The following CTTNBP2 variants were observed in gnomAD, a reference collection of about 807,000 sequenced individuals.
The protein encoded by CTTNBP2 is cortactin-binding protein 2.
CTTNBP2 carries 108 observed loss-of-function variants against 156.9 expected under a neutral mutation model. The ratio of observed to expected loss-of-function variants is 0.69; its 90% CI spans 0.59 to 0.81. The LOEUF is 0.81. CTTNBP2 is among the 30% of genes least tolerant of loss of function. The pLI is 0.00. For synonymous variants in CTTNBP2, 767 were observed against 751.8 expected, an observed-to-expected ratio of 1.02 and a Z score of -0.33; for missense variants, 1,924 against 2,035.4, an observed-to-expected ratio of 0.95 and a Z score of 1.05.
intron 3 of CTTNBP2, among the ~76,000 whole-genome samples, chr7:117,805,875 G>A (rs1799908185): frequency 6.6e-6 from 1 of 152,108 alleles, no homozygotes; most frequent in Admixed American, 6.5e-5. Context: ...TCTAAACTGT[G>A]TACAAGGAAC....
Position 117,724,729 on chromosome 7 carries a change from A to G in CTTNBP2, c.4265T>C (p.Leu1422Pro). ...TTTGAAATCAGCTGTATGCTGGTCT[A>G]GCTCTGAAACAACACAAATCACAGC... ...LHGCPLPRAE[L>P]DQHTADFKGG... is the part of the protein sequence containing the mutation. The change falls in exon 19 of 23, where the codon CTA becomes CCA. Residue 1422 changes from leucine (L) to proline (P), a missense_variant. Coordinates refer to ENST00000160373, the MANE Select transcript of CTTNBP2 (RefSeq NM_033427.3). 1 of 1,613,798 alleles carries G rather than the reference A, an allele frequency of 6.2e-7. No individual in the cohort carries two copies. The highest frequency in any genetic ancestry group is 8.5e-7 in the Non-Finnish European group (1 of 1,179,968).
Position 117,718,114 on chromosome 7 carries a change from A to G in CTTNBP2, c.4650T>C (p.Ala1550=), listed in dbSNP as rs779413704. The G allele has an allele frequency of 2.3e-5, 37 of 1,608,274 alleles. No homozygotes were observed. The Middle Eastern group carries it at 4.9e-4, about 21-fold the overall frequency. The change falls in exon 22 of 23, where the codon GCT becomes GCC. Residue 1550 remains alanine, a synonymous_variant. Transcript: ENST00000160373. ...SKSESDISKI[A]DSRDDLRMFD... ...ACATCCTTAAATCATCCCTGGAATC[A>G]GCAATCTAGAAAATACAGAATTTGC...
intron 14 of CTTNBP2, among the ~76,000 whole-genome samples, chr7:117,743,761 C>CAAAAAAAAAAAAAAAAA (rs556372208): frequency 1.0e-4 from 2 of 19,626 alleles, no homozygotes; most frequent in Non-Finnish European, 2.0e-4. Flanking sequence ...GACTCTGTCT[C>CAAAAAAAAAAAAAAAAA]AAAAAAAAAA....
At chr7:117,743,898 A>G (rs1183822841) in intron 14 of CTTNBP2, among the ~76,000 whole-genome samples, 2 of 151,914 alleles carry the variant, frequency 1.3e-5, no homozygotes, top group Non-Finnish European at 2.9e-5. Flanking sequence ...CTAGCCCAAG[A>G]CTGGCCTGTG....
Position 117,791,589 on chromosome 7 carries a change from C to G in CTTNBP2, c.1607G>C (p.Arg536Pro), listed in dbSNP as rs772434465. The part of the protein sequence containing the change: ...RTSLKTHGVA[R>P]VDRGNPPPIP... ...AGGAGGAGGATTTCCTCTGTCAACT[C>G]GTGCTACACCATGAGTCTTTAAACT... Residue 536 changes from arginine to proline, a missense_variant, in exon 4 of 23, where the codon CGA becomes CCA. Arg to Pro is a moderately radical substitution (Grantham distance 103, BLOSUM62 -2). Transcript: ENST00000160373. 6.8e-6 allele frequency: 11 copies of G among 1,613,984 alleles called. No homozygotes were observed. Among genetic ancestry groups the G allele is most frequent in the African/African-American group, 4.0e-5 (3 of 74,890 alleles).
intron 4 of CTTNBP2, among the ~76,000 whole-genome samples, chr7:117,790,501 AG>A (rs1798931738): frequency 6.6e-6 from 1 of 151,920 alleles, no homozygotes; most frequent in Non-Finnish European, 1.5e-5. Context: ...TCTGTGCCCG[AG>A]TGTTGGAAGA....
At chr7:117,815,700 AT>A (rs1236764170) in intron 2 of CTTNBP2, among the ~76,000 whole-genome samples, 3 of 152,202 alleles carry the variant, frequency 2.0e-5, no homozygotes, top group Non-Finnish European at 4.4e-5. Context: ...GAAATGGCAG[AT>A]TTTTGAGGAA....
At position 117,760,631 on chromosome 7, in the gene CTTNBP2, T is replaced by G. The variant is rs1797157525; in HGVS notation, c.2976A>C (p.Glu992Asp). 6.2e-7 allele frequency: 1 copy of G among 1,613,982 alleles called. No homozygotes were observed. Among genetic ancestry groups the G allele is most frequent in the South Asian group, 1.1e-5 (1 of 91,084 alleles). ...GGATATTTAAAGCACATATTGTGTTTTCACATTCCAAGTCATCAGAACCAT... is the reference window on the plus strand; with the variant it reads ...GGATATTTAAAGCACATATTGTGTTGTCACATTCCAAGTCATCAGAACCAT... ...SNYGSDDLEC[E>D]NTICALNIRK... Residue 992 changes from glutamate (E) to aspartate (D), a missense_variant, in exon 10 of 23, where the codon GAA becomes GAC. Transcript: ENST00000160373.
At chr7:117,737,326 T>G (rs1435842364) in intron 14 of CTTNBP2, among the ~76,000 whole-genome samples, 1 of 152,144 alleles carries the variant, frequency 6.6e-6, no homozygotes, top group Non-Finnish European at 1.5e-5. Context: ...ACACACAGGA[T>G]TGATGGTTTA....
chr7:117,752,686 C>T (rs1280509351), intron 12 of CTTNBP2, among the ~76,000 whole-genome samples: 1 of 152,122 alleles, frequency 6.6e-6, no homozygotes, highest in Admixed American at 6.6e-5. Flanking sequence ...TACTGCAATG[C>T]TTAATCAATA....
At chr7:117,780,019 C>G (rs1201081859) in intron 7 of CTTNBP2, among the ~76,000 whole-genome samples, 1 of 152,176 alleles carries the variant, frequency 6.6e-6, no homozygotes, top group Non-Finnish European at 1.5e-5. Flanking sequence ...CTCAGCCTCC[C>G]AAAGTGCTGG....
intron 3 of CTTNBP2, among the ~76,000 whole-genome samples, chr7:117,797,028 T>C (rs1021843056): frequency 6.6e-6 from 1 of 152,138 alleles, no homozygotes; most frequent in East Asian, 1.9e-4. Context: ...AAGGAGCCAA[T>C]AGCATTGGAT....
At chr7:117,783,375 AAATT>A (rs1798536448) in intron 5 of CTTNBP2, among the ~76,000 whole-genome samples, 4 of 152,322 alleles carry the variant, frequency 2.6e-5, no homozygotes, top group Middle Eastern at 3.4e-3. Context: ...GTACTTAAAT[AAATT>A]ATTACTTTAT....
Position 117,810,865 on chromosome 7 carries a change from G to A in CTTNBP2, c.314C>T (p.Thr105Ile). The change falls in exon 3 of 23, where the codon ACC (threonine) becomes ATC (isoleucine). Residue 105 changes from threonine to isoleucine, a missense_variant. By Grantham distance (89) the Thr-to-Ile change is moderately conservative. Coordinates refer to ENST00000160373, the MANE Select transcript of CTTNBP2 (RefSeq NM_033427.3). Reference protein sequence around the residue: ...AGDKEKKPVCTNPLSILEAVM... With the variant: ...AGDKEKKPVCINPLSILEAVM... ...TGCTTCAAGGATGGAGAGGGGGTTG[G>A]TACAAACTGGCTTCTTCTCTTTGTC... 1 of 1,614,052 alleles carries A rather than the reference G, an allele frequency of 6.2e-7. No homozygotes were observed. Among genetic ancestry groups the A allele is most frequent in the South Asian group, 1.1e-5 (1 of 91,076 alleles).
At chr7:117,806,764 T>G (rs1047298570) in intron 3 of CTTNBP2, among the ~76,000 whole-genome samples, 1 of 149,294 alleles carries the variant, frequency 6.7e-6, no homozygotes, top group African/African-American at 2.5e-5. Flanking sequence ...TTTTTTTTTT[T>G]TTTTTTTATT....
At chr7:117,847,635 TTAAACTA>T (rs1412024711) in intron 2 of CTTNBP2, among the ~76,000 whole-genome samples, 2 of 152,208 alleles carry the variant, frequency 1.3e-5, no homozygotes, top group Non-Finnish European at 1.5e-5. Flanking sequence ...CTACCAGTAC[TTAAACTA>T]TAAAGTATAT....
chr7:117,848,325 C>T (rs1045449378), intron 2 of CTTNBP2, among the ~76,000 whole-genome samples: 1 of 152,136 alleles, frequency 6.6e-6, no homozygotes, highest in Non-Finnish European at 1.5e-5. Context: ...ATCCCACTGT[C>T]TTGCCCACGC....
chr7:117,747,820 AG>A (rs1796417249), intron 12 of CTTNBP2, among the ~76,000 whole-genome samples: 1 of 152,120 alleles, frequency 6.6e-6, no homozygotes, highest in South Asian at 2.1e-4. Flanking sequence ...AAGGAGACTA[AG>A]GAAGGTTGGT....
At position 117,791,232 on chromosome 7, in the gene CTTNBP2, G is replaced by C. The variant is rs1798983770; in HGVS notation, c.1964C>G (p.Ser655Cys). 6.2e-7 allele frequency: 1 copy of C among 1,614,166 alleles called. No homozygotes were observed. Among genetic ancestry groups the C allele is most frequent in the South Asian group, 1.1e-5 (1 of 91,080 alleles). ...GLNQPACSDS[S>C]LVIPTTIAFC... ...GGCAATGGTGGTAGGAATGACAAGG[G>C]AACTGTCTGAACATGCAGGTTGGTT... Residue 655 changes from serine to cysteine, a missense_variant, in exon 4 of 23, where the codon TCC (serine) becomes TGC (cysteine). Physicochemically the swap from Ser to Cys is moderately radical, Grantham distance 112. Coordinates refer to ENST00000160373, the MANE Select transcript of CTTNBP2 (RefSeq NM_033427.3).
Sources: gnomAD v4.1 joint callset for allele counts (sites outside exome capture counted in the v4.1 genomes callset) on GRCh38, gnomAD v4.1.1 for gene constraint, MANE v1.5 for transcripts, NCBI Gene and HGNC (gene_info 2026-07-23, HGNC 2026-07-21) for gene names.